The following WWOX variants were observed in gnomAD, a reference collection of about 807,000 sequenced individuals.
WWOX encodes the protein WW domain containing oxidoreductase.
Under a neutral mutation model 46.2 loss-of-function variants are expected in WWOX, and 69 were observed. The observed-to-expected ratio is 1.49, with a 90% CI of 1.23 to 1.82. WWOX has a LOEUF of 1.82. Among genes scored for constraint, WWOX ranks in the 40% most tolerant of loss-of-function variants. WWOX has a pLI of 0.00. For synonymous variants in WWOX, 359 were observed against 202.6 expected (o/e 1.77, Z -6.56); for missense variants, 919 against 542.6 (o/e 1.69, Z -6.89).
intron 6 of WWOX, among the ~76,000 whole-genome samples, chr16:78,401,644 T>C (rs1479472455): frequency 6.6e-6 from 1 of 152,284 alleles, no homozygotes; most frequent in African/African-American, 2.4e-5. Context: ...AGTAAAGATT[T>C]CTCAGAGCCC....
In WWOX at chr16:78,406,283, C is replaced by T. The variant is rs144762048; in HGVS notation, c.606-18587C>T. Among the ~76,000 whole-genome samples, 513 of 122,896 alleles carry T rather than the reference C, an allele frequency of 4.2e-3. 17 individuals are homozygous for T. The East Asian group carries it at 0.071, about 17-fold the overall frequency. 80.6% of individuals were successfully genotyped at this position (122,896 alleles called of 152,430 possible). A position where few individuals can be genotyped will look rare whatever the true frequency, so the allele number is the denominator to read the frequency against. On this transcript the variant is annotated intron_variant, in intron 6 of 8. Coordinates refer to ENST00000566780, the MANE Select transcript of WWOX (RefSeq NM_016373.4). ...GAGGATGATGATATAATTTCCATTA[C>T]ATTACAGCATATAAATATAAATATA...
At chr16:78,850,711 T>G (rs1178979727) in intron 8 of WWOX, among the ~76,000 whole-genome samples, 5 of 152,202 alleles carry the variant, frequency 3.3e-5, no homozygotes, top group Non-Finnish European at 5.9e-5. Flanking sequence ...TCACTGCCTG[T>G]GAACCAGGGG....
chr16:78,693,669 T>A (rs1422861957), intron 8 of WWOX, among the ~76,000 whole-genome samples: 3 of 152,160 alleles, frequency 2.0e-5, no homozygotes, highest in African/African-American at 7.2e-5. Context: ...ACATAACTAT[T>A]GGCATCGAGT....
intron 5 of WWOX, among the ~76,000 whole-genome samples, chr16:78,285,496 C>A (rs2079752342): frequency 6.6e-6 from 1 of 152,028 alleles, no homozygotes; most frequent in Non-Finnish European, 1.5e-5. Flanking sequence ...TCATGTGTAT[C>A]AAGAAACAAG....
intron 8 of WWOX, among the ~76,000 whole-genome samples, chr16:78,585,681 T>G (rs1441618386): frequency 1.3e-5 from 2 of 149,588 alleles, no homozygotes; most frequent in Non-Finnish European, 3.0e-5. Context: ...TTGGGTTTTT[T>G]TTTTTGTTTT....
intron 8 of WWOX, among the ~76,000 whole-genome samples, chr16:78,975,940 C>T (rs557940401): frequency 2.6e-5 from 4 of 152,208 alleles, no homozygotes; most frequent in African/African-American, 9.6e-5. Flanking sequence ...TGCCACCCTC[C>T]ATCCCCTGAT....
chr16:78,885,776 T>C (rs1043215960), intron 8 of WWOX, among the ~76,000 whole-genome samples: 2 of 152,108 alleles, frequency 1.3e-5, no homozygotes, highest in Non-Finnish European at 2.9e-5. Context: ...ATTTACCTAA[T>C]AGAAGGATCG....
chr16:78,606,775 A>C lies in WWOX; in HGVS notation c.1056+174023A>C, dbSNP rs138385910. Among the ~76,000 whole-genome samples the C allele has an allele frequency of 4.3e-3, 614 of 143,392 alleles. 5 individuals carry two copies. The highest frequency in any genetic ancestry group is 0.016 in the African/African-American group (595 of 37,032). The allele number at this position is 143,392 out of a possible 152,430, so 94.1% of individuals were successfully genotyped here. A position where few individuals can be genotyped will look rare whatever the true frequency, so the allele number is the denominator to read the frequency against. On this transcript the variant is annotated intron_variant, in intron 8 of 8. Transcript: ENST00000566780. Reference sequence around the variant, plus strand: ...GGACGCTATTGTCATTCAGAAAGCCACAGGCTGTTCTGAAAACAGGCAAAA... The same window carrying C: ...GGACGCTATTGTCATTCAGAAAGCCCCAGGCTGTTCTGAAAACAGGCAAAA...
At chr16:78,623,083 G>T (rs2151646940) in intron 8 of WWOX, among the ~76,000 whole-genome samples, 1 of 152,098 alleles carries the variant, frequency 6.6e-6, no homozygotes, top group East Asian at 1.9e-4. Flanking sequence ...ACCATCCCCA[G>T]TCAAGCCTCT....
intron 6 of WWOX, among the ~76,000 whole-genome samples, chr16:78,401,094 A>G (rs2082402179): frequency 6.6e-6 from 1 of 152,256 alleles, no homozygotes; most frequent in African/African-American, 2.4e-5. Context: ...TACTGGGATT[A>G]CAGGCATGAG....
chr16:78,231,064 G>A (rs1040784529), intron 5 of WWOX, among the ~76,000 whole-genome samples: 2 of 152,224 alleles, frequency 1.3e-5, no homozygotes, highest in Admixed American at 6.5e-5. Flanking sequence ...AGACTGGGAC[G>A]TGAACTGACA....
chr16:78,496,376 A>C (rs2084918919), intron 8 of WWOX: 1 of 152,274 alleles, frequency 6.6e-6, no homozygotes, highest in South Asian at 2.1e-4. Flanking sequence ...TAGAAAGATC[A>C]CTGCAGATGT....
At chr16:79,132,593 CTG>C (rs1310364082) in intron 8 of WWOX, among the ~76,000 whole-genome samples, 2 of 152,062 alleles carry the variant, frequency 1.3e-5, no homozygotes, top group Non-Finnish European at 2.9e-5. Context: ...TCTGGTTTCT[CTG>C]TGTCTCTCTT....
At chr16:78,783,592 G>A (rs1489770615) in intron 8 of WWOX, among the ~76,000 whole-genome samples, 1 of 152,218 alleles carries the variant, frequency 6.6e-6, no homozygotes, top group Non-Finnish European at 1.5e-5. Context: ...CTTTGGGAAG[G>A]AGAGGAAGGA....
chr16:79,087,551 A>C (rs1301952479), intron 8 of WWOX, among the ~76,000 whole-genome samples: 3 of 152,188 alleles, frequency 2.0e-5, no homozygotes, highest in Non-Finnish European at 4.4e-5. Flanking sequence ...CAACAGGAGA[A>C]AGCCAGAGCA....
chr16:78,203,508 C>T (rs1292460023), intron 5 of WWOX, among the ~76,000 whole-genome samples: 3 of 151,978 alleles, frequency 2.0e-5, no homozygotes, highest in Non-Finnish European at 2.9e-5. Flanking sequence ...GGGAGATATT[C>T]GATATGTTTT....
Position 78,917,223 on chromosome 16 carries a change from G to T in WWOX, c.1057-294385G>T, listed in dbSNP as rs531351109. On this transcript the variant is annotated intron_variant, in intron 8 of 8. Coordinates refer to ENST00000566780, the MANE Select transcript of WWOX (RefSeq NM_016373.4). ...GGGTCACATGATCTACCTTACAGCT[G>T]TTACTGCAGACCTCCCAAAGCTCAC... is the stretch of plus-strand genomic sequence containing the variant. 7.9e-5 allele frequency among the ~76,000 whole-genome samples: 12 copies of T among 152,314 alleles called. No individual in the cohort carries two copies. The South Asian group carries it at 2.5e-3, about 32-fold the overall frequency.
intron 8 of WWOX, among the ~76,000 whole-genome samples, chr16:78,860,709 G>C (rs957471783): frequency 6.6e-6 from 1 of 152,206 alleles, no homozygotes; most frequent in Non-Finnish European, 1.5e-5. Context: ...GCCAACATCC[G>C]CTTTAGTGCT....
chr16:78,590,148 C>CTCTCTCTT (rs1567664932), intron 8 of WWOX, among the ~76,000 whole-genome samples: 1 of 149,438 alleles, frequency 6.7e-6, no homozygotes, highest in African/African-American at 2.4e-5. Context: ...GGCATTCAGT[C>CTCTCTCTT]TCTCTCTCTC....
Sources: allele counts gnomAD v4.1 joint callset (sites outside exome capture counted in the v4.1 genomes callset), GRCh38; gene constraint gnomAD v4.1.1; transcripts MANE v1.5; gene names NCBI Gene and HGNC (gene_info 2026-07-23, HGNC 2026-07-21).